Variants in RAB38 observed in about 807,000 individuals in gnomAD.
RAB38 encodes the protein ras-related protein Rab-38.
RAB38 carries 15 observed loss-of-function variants against 18.4 expected under a neutral mutation model. The ratio of observed to expected loss-of-function variants is 0.82; its 90% confidence interval spans 0.55 to 1.26. The LOEUF is 1.26. Among genes scored for constraint, RAB38 ranks in the 50% most tolerant of loss-of-function variants. RAB38 has a pLI of 0.00. For missense variants in RAB38, 294 were observed against 267.4 expected (o/e 1.10, Z -0.69); for synonymous variants, 101 against 104.4 (o/e 0.97, Z 0.20).
intron 1 of RAB38, among the ~76,000 whole-genome samples, chr11:88,168,038 T>C (rs528465752): frequency 6.6e-6 from 1 of 152,302 alleles, no homozygotes; most frequent in Admixed American, 6.5e-5. Flanking sequence ...TCAAAACATC[T>C]ATTCTCAAAA....
chr11:88,130,181 A>C (rs2134793726), intron 2 of RAB38, among the ~76,000 whole-genome samples: 1 of 152,286 alleles, frequency 6.6e-6, no homozygotes, highest in Admixed American at 6.5e-5. Context: ...CAGAAATTCT[A>C]ACTATACAAT....
chr11:87,812,239 C>G, the RAB38 span, among the ~76,000 whole-genome samples: 1 of 151,786 alleles, frequency 6.6e-6, no homozygotes, highest in South Asian at 2.1e-4. Flanking sequence ...TTTCAAGCCT[C>G]TTTTTGTTTT....
chr11:88,127,036 C>T (rs530912441), intron 2 of RAB38, among the ~76,000 whole-genome samples: 4 of 152,232 alleles, frequency 2.6e-5, no homozygotes, highest in Admixed American at 6.5e-5. Flanking sequence ...CAAGTGGGTT[C>T]TGAAGTTTCA....
At chr11:87,805,738 T>C in the RAB38 span, among the ~76,000 whole-genome samples, 4 of 151,848 alleles carry the variant, frequency 2.6e-5, no homozygotes, top group Admixed American at 2.6e-4. Flanking sequence ...TACACACACA[T>C]ACATATATAC....
chr11:88,170,963 C>T (rs961543863), intron 1 of RAB38, among the ~76,000 whole-genome samples: 1 of 152,206 alleles, frequency 6.6e-6, no homozygotes, highest in Non-Finnish European at 1.5e-5. Flanking sequence ...TCCTCTGCCA[C>T]TTATGATCTC....
chr11:87,953,560 T>TAA, the RAB38 span, among the ~76,000 whole-genome samples: 1 of 152,212 alleles, frequency 6.6e-6, no homozygotes, highest in African/African-American at 2.4e-5. Flanking sequence ...TCCTTTAAAA[T>TAA]ATAATTGTTT....
chr11:88,149,985 T>C (rs878895282), intron 1 of RAB38, 30 bp from the exon 2 acceptor site: 2 of 1,583,694 alleles, frequency 1.3e-6, no homozygotes, highest in Admixed American at 3.6e-5. Flanking sequence ...AAAATAAAAA[T>C]GTATTAAAAT....
the RAB38 span, among the ~76,000 whole-genome samples, chr11:87,933,054 T>C: frequency 6.6e-6 from 1 of 152,016 alleles, no homozygotes; most frequent in Non-Finnish European, 1.5e-5. Flanking sequence ...ACCCACAATA[T>C]CACGTATGGA....
At chr11:87,821,248 A>G in the RAB38 span, among the ~76,000 whole-genome samples, 1 of 152,246 alleles carries the variant, frequency 6.6e-6, no homozygotes, top group Non-Finnish European at 1.5e-5. Flanking sequence ...GACTACTTCG[A>G]AAGTAGTAAT....
At chr11:88,092,690 A>T in the RAB38 span, among the ~76,000 whole-genome samples, 4,030 of 151,738 alleles carry the variant, frequency 0.027, 86 homozygotes, top group Non-Finnish European at 0.041. Flanking sequence ...TAACTAGTGT[A>T]TATATATAAA....
the RAB38 span, among the ~76,000 whole-genome samples, chr11:88,053,431 G>A: frequency 8.1e-4 from 57 of 70,096 alleles, no homozygotes; most frequent in East Asian, 1.8e-3. Context: ...ACATATATAT[G>A]GAATATATAT....
chr11:88,149,961 ACC>A lies in RAB38; in HGVS notation c.203-8_203-7del. Reference sequence around the variant, plus strand: ...GTTTCCAAATCTTTCTTGACCTGACACCAAAAAGAAATAAAAATAAAAATGTA... The same window carrying A: ...GTTTCCAAATCTTTCTTGACCTGACAAAAAAGAAATAAAAATAAAAATGTA... On this transcript the variant is annotated splice_region_variant and splice_polypyrimidine_tract_variant and intron_variant, in intron 1 of 2. Coordinates refer to ENST00000243662, the MANE Select transcript of RAB38 (RefSeq NM_022337.3). 6.3e-7 allele frequency: 1 copy of A among 1,592,892 alleles called. No individual in the cohort carries two copies. The highest frequency in any genetic ancestry group is 8.5e-7 in the Non-Finnish European group (1 of 1,171,046).
chr11:88,156,111 T>C (rs887230011), intron 1 of RAB38, among the ~76,000 whole-genome samples: 1 of 152,132 alleles, frequency 6.6e-6, no homozygotes, highest in Non-Finnish European at 1.5e-5. Context: ...TTTGGGGGGA[T>C]AATTCAAGAA....
the RAB38 span, among the ~76,000 whole-genome samples, chr11:88,005,223 C>T: frequency 6.6e-6 from 1 of 151,272 alleles, no homozygotes; most frequent in African/African-American, 2.4e-5. Context: ...ATTCACACTA[C>T]CAGATTACGT....
At chr11:88,174,414 C>A (rs936232276) in intron 1 of RAB38, among the ~76,000 whole-genome samples, 11 of 152,098 alleles carry the variant, frequency 7.2e-5, no homozygotes, top group Admixed American at 2.6e-4. Flanking sequence ...TTTTTCAGAT[C>A]TCTCAATGAA....
the RAB38 span, among the ~76,000 whole-genome samples, chr11:87,946,618 G>C: frequency 1.3e-5 from 2 of 151,620 alleles, no homozygotes; most frequent in East Asian, 1.9e-4. Context: ...TCAATTCCCA[G>C]GTATAAGTGA....
chr11:87,977,558 A>C, the RAB38 span, among the ~76,000 whole-genome samples: 2 of 117,772 alleles, frequency 1.7e-5, no homozygotes, highest in South Asian at 2.5e-4. Context: ...TAATATAATT[A>C]TATAATATAC....
At chr11:88,052,935 T>TATATATATATATATATC in the RAB38 span, among the ~76,000 whole-genome samples, 461 of 85,776 alleles carry the variant, frequency 5.4e-3, 22 homozygotes, top group East Asian at 0.014. Flanking sequence ...TATATATATA[T>TATATATATATATATATC]ATATATATAA....
the RAB38 span, among the ~76,000 whole-genome samples, chr11:87,914,770 C>T: frequency 1.3e-5 from 2 of 152,210 alleles, no homozygotes; most frequent in South Asian, 4.1e-4. Context: ...TGAGGGACTG[C>T]TGCCCTGCAT....
Sources: allele counts gnomAD v4.1 joint callset (sites outside exome capture counted in the v4.1 genomes callset), GRCh38; gene constraint gnomAD v4.1.1; transcripts MANE v1.5; gene names NCBI Gene and HGNC (gene_info 2026-07-23, HGNC 2026-07-21).